The following ERICH1 variants were observed in gnomAD, a reference collection of about 807,000 sequenced individuals.
ERICH1 encodes the protein glutamate-rich protein 1.
Under a neutral mutation model 39.6 loss-of-function variants are expected in ERICH1, and 56 were observed. The observed-to-expected ratio is 1.41, with a 90% CI of 1.14 to 1.77. The LOEUF is 1.77. Among genes scored for constraint, ERICH1 ranks in the 40% most tolerant of loss-of-function variants. The probability of loss-of-function intolerance (pLI) is 0.00; values close to 1 mark genes in which losing one functional copy is unlikely to be tolerated. For synonymous variants in ERICH1, 313 were observed against 223.6 expected, an observed-to-expected ratio of 1.40 and a Z score of -3.57; for missense variants, 826 against 575.4, an observed-to-expected ratio of 1.44 and a Z score of -4.45.
chr8:710,843 T>G (rs1266851049), intron 2 of ERICH1, among the ~76,000 whole-genome samples: 5 of 152,240 alleles, frequency 3.3e-5, no homozygotes, highest in Admixed American at 3.3e-4. Context: ...AACATCCATG[T>G]GCAGGTTTAT....
At chr8:661,618 TTATC>T (rs1801435420), downstream of ERICH1, among the ~76,000 whole-genome samples, 1 of 152,256 alleles carries the variant, frequency 6.6e-6, no homozygotes, top group South Asian at 2.1e-4. Flanking sequence ...GATCTAATTA[TTATC>T]TAACTTCAAA....
chr8:701,427 T>A (rs1399492950), intron 2 of ERICH1, among the ~76,000 whole-genome samples: 1 of 152,038 alleles, frequency 6.6e-6, no homozygotes. Context: ...TACCCACGGG[T>A]GTGCCCTGCT....
In ERICH1 at chr8:731,222, TC is replaced by T; in HGVS notation, c.-62del. The T allele has an allele frequency of 7.1e-7, 1 of 1,409,950 alleles. No homozygotes were observed. Among genetic ancestry groups the T allele is most frequent in the South Asian group, 1.5e-5 (1 of 66,774 alleles). 87.3% of individuals were successfully genotyped at this position (1,409,950 alleles called of 1,614,324 possible). On this transcript the variant is annotated 5_prime_UTR_variant, in exon 1 of 6. Transcript: ENST00000262109. ...CGGTCCTGAGCTGAGCGCCGTGCCT[TC>T]CGGGTTCCGCCCTCCTGGGTCCGCC...
At chr8:699,339 C>T (rs1168761078) in intron 2 of ERICH1, among the ~76,000 whole-genome samples, 5 of 152,188 alleles carry the variant, frequency 3.3e-5, no homozygotes, top group Admixed American at 2.0e-4. Flanking sequence ...ACGCCACCCC[C>T]GATTGCTGTC....
At chr8:717,646 A>C (rs1473002347) in intron 1 of ERICH1, among the ~76,000 whole-genome samples, 1 of 152,146 alleles carries the variant, frequency 6.6e-6, no homozygotes, top group African/African-American at 2.4e-5. Context: ...ATTCTAAGAC[A>C]AAACCATAAC....
At chr8:723,432 A>G (rs1817806529) in intron 1 of ERICH1, among the ~76,000 whole-genome samples, 2 of 152,376 alleles carry the variant, frequency 1.3e-5, no homozygotes, top group South Asian at 4.1e-4. Context: ...TTTTCAAACA[A>G]GAAATAATCA....
At chr8:730,122 C>A (rs1195535056) in intron 1 of ERICH1, among the ~76,000 whole-genome samples, 1 of 152,132 alleles carries the variant, frequency 6.6e-6, no homozygotes, top group South Asian at 2.1e-4. Context: ...CATTAACATA[C>A]GTGAATGTCC....
chr8:703,356 T>C (rs942849717), intron 2 of ERICH1, among the ~76,000 whole-genome samples: 1 of 150,786 alleles, frequency 6.6e-6, no homozygotes, highest in Non-Finnish European at 1.5e-5. Context: ...AAAAATACAG[T>C]GTTGGAAAGT....
At chr8:639,497 G>A (rs954333930) in intron 3 of ERICH1, among the ~76,000 whole-genome samples, 1 of 152,188 alleles carries the variant, frequency 6.6e-6, no homozygotes, top group South Asian at 2.1e-4. Context: ...AAATATCAAA[G>A]AGCCGGTCTG....
intron 2 of ERICH1, among the ~76,000 whole-genome samples, chr8:706,387 A>C (rs1018379614): frequency 1.3e-5 from 2 of 152,246 alleles, no homozygotes; most frequent in Non-Finnish European, 2.9e-5. Flanking sequence ...TTCCACTTAC[A>C]ATAGCACCAA....
chr8:632,036 T>C (rs528228386), intron 3 of ERICH1, among the ~76,000 whole-genome samples: 1 of 152,204 alleles, frequency 6.6e-6, no homozygotes, highest in Non-Finnish European at 1.5e-5. Flanking sequence ...CGGAATAGAC[T>C]CGAGCTGCGT....
intron 3 of ERICH1, among the ~76,000 whole-genome samples, chr8:686,031 G>C (rs185077657): frequency 4.7e-5 from 7 of 150,028 alleles, no homozygotes; most frequent in South Asian, 2.1e-4. Context: ...GTAGTGGTGC[G>C]CACCTGTGGT....
chr8:634,180 A>AC (rs80306114), intron 3 of ERICH1, among the ~76,000 whole-genome samples: 2,014 of 91,230 alleles, frequency 0.022, 53 homozygotes, highest in African/African-American at 0.071. Context: ...AAAAAAAAAA[A>AC]AAAAAACAAA....
rs1333382571 is a variant in ERICH1, at chr8:673,620, C to G, written c.732G>C (p.Arg244=). Residue 244 remains arginine (R), a synonymous_variant, in exon 4 of 6, where the codon CGG becomes CGC. Transcript: ENST00000262109. ...CGTCCGCACCCTCTTCCTGCCTGGC[C>G]CGTGTCAGGTCTTCCTCGCTAGCGT... The part of the protein sequence containing the change: ...GADASEEDLT[R]ARQEEGADAS... 1 of 1,556,276 alleles carries G rather than the reference C, an allele frequency of 6.4e-7. No homozygotes were observed. The highest frequency in any genetic ancestry group is 2.3e-5 in the East Asian group (1 of 44,404).
intron 3 of ERICH1, among the ~76,000 whole-genome samples, chr8:684,320 G>A (rs777158149): frequency 1.3e-4 from 19 of 151,954 alleles, no homozygotes; most frequent in Non-Finnish European, 2.4e-4. Flanking sequence ...CAGTACAAAT[G>A]AAGAAAAGCC....
intron 3 of ERICH1, chr8:615,448 T>C: frequency 2.0e-6 from 1 of 488,714 alleles, no homozygotes; most frequent in South Asian, 3.8e-5. Context: ...AAAGCAATGG[T>C]CACAATAGTG....
chr8:657,852 G>A (rs1005893070), intron 3 of ERICH1, among the ~76,000 whole-genome samples: 11 of 152,160 alleles, frequency 7.2e-5, no homozygotes, highest in African/African-American at 2.4e-4. Flanking sequence ...CAAATCAGAC[G>A]TAGTGAAAGG....
At chr8:696,852 TCC>T (rs528142975) in intron 2 of ERICH1, among the ~76,000 whole-genome samples, 7 of 88,244 alleles carry the variant, frequency 7.9e-5, no homozygotes, top group East Asian at 6.5e-4. Context: ...TCACCCTCTC[TCC>T]CTCTCCTTCC....
intron 3 of ERICH1, among the ~76,000 whole-genome samples, chr8:632,733 T>A (rs757755006): frequency 2.0e-5 from 3 of 152,070 alleles, no homozygotes; most frequent in Admixed American, 6.5e-5. Context: ...CTCAGACAGG[T>A]GAAATGGACA....
Sources: gnomAD v4.1 joint callset for allele counts (sites outside exome capture counted in the v4.1 genomes callset) on GRCh38, gnomAD v4.1.1 for gene constraint, MANE v1.5 for transcripts, NCBI Gene and HGNC (gene_info 2026-07-23, HGNC 2026-07-21) for gene names.